DACH2: variants seen among roughly 807,000 people sequenced by gnomAD.
DACH2 encodes dachshund family transcription factor 2, also known as dachshund homolog 2.
Under a neutral mutation model 35.8 loss-of-function variants are expected in DACH2, and 17 were observed. The ratio of observed to expected loss-of-function variants is 0.48; its 90% CI spans 0.33 to 0.71. The LOEUF (loss-of-function observed/expected upper bound fraction) is 0.71. Among genes scored for constraint, DACH2 ranks in the 30% least tolerant of loss-of-function variants. The pLI, the probability that DACH2 is intolerant of heterozygous loss-of-function variation, is 0.02. For missense variants in DACH2, 469 were observed against 472.7 expected, an observed-to-expected ratio of 0.99 and a Z score of 0.07; for synonymous variants, 195 against 177.3, an observed-to-expected ratio of 1.10 and a Z score of -0.79.
intron 3 of DACH2, among the ~76,000 whole-genome samples, chrX:86,591,953 G>A (rs1445149517): frequency 9.0e-6 from 1 of 111,345 alleles, no homozygotes; most frequent in Non-Finnish European, 1.9e-5. Context: ...TTCGTTTCTG[G>A]CCTGTGGCTT....
rs761844006 is a variant in DACH2 at position 86,517,417 on chromosome X, CT to C, written c.640+3043del. Reference sequence around the variant, plus strand: ...AGTGTCTGCTCGTGTCCTTTGCCCACTTTTTTTTTTTTTTTTTGAGATGGAG... The same window carrying C: ...AGTGTCTGCTCGTGTCCTTTGCCCACTTTTTTTTTTTTTTTTGAGATGGAG... On this transcript the variant is annotated intron_variant, in intron 3 of 11. Transcript: ENST00000373125. Among the ~76,000 whole-genome samples, 403 of 95,663 alleles carry C rather than the reference CT, an allele frequency of 4.2e-3. 1 individual carries two copies. Among genetic ancestry groups the C allele is most frequent in the Middle Eastern group, 0.016 (3 of 193 alleles). 83.1% of individuals were successfully genotyped at this position (95,663 alleles called of 115,157 possible).
chrX:86,832,124 T>G lies in DACH2; in HGVS notation c.1769T>G (p.Leu590Ter). The G allele has an allele frequency of 8.3e-7, 1 of 1,197,632 alleles. No homozygotes were observed. The highest frequency in any genetic ancestry group is 1.7e-5 in the African/African-American group (1 of 57,376). ...TTTTAAGGAGGTAACTATTACTGTT[T>G]AGAAATGGCACAACAGTTGTATTCA... ...AAMQGGNYYC[L>*]EMAQQLYSA Residue 590 changes from leucine to a stop codon, truncating the protein, a stop_gained, in exon 12 of 12, where the codon TTA (leucine) becomes TGA (stop). Coordinates refer to ENST00000373125, the MANE Select transcript of DACH2 (RefSeq NM_053281.3). LOFTEE classifies it high-confidence loss of function.
At chrX:86,529,979 A>G (rs5923550) in intron 3 of DACH2, among the ~76,000 whole-genome samples, 957 of 65,780 alleles carry the variant, frequency 0.015, 5 homozygotes, top group South Asian at 0.032. Context: ...ACACACACGC[A>G]CACACACACA....
At chrX:86,672,942 G>T (rs1364100541) in intron 4 of DACH2, among the ~76,000 whole-genome samples, 1 of 111,837 alleles carries the variant, frequency 8.9e-6, no homozygotes, top group Non-Finnish European at 1.9e-5. Context: ...AGTAACCAAG[G>T]GGGCCATACC....
chrX:86,185,296 G>T (rs1346611015), intron 1 of DACH2, among the ~76,000 whole-genome samples: 1 of 111,726 alleles, frequency 9.0e-6, no homozygotes, highest in African/African-American at 3.3e-5. Flanking sequence ...CTATCTGTAG[G>T]CAAGGTTCTC....
In DACH2 at chrX:86,530,786, G is replaced by T. The variant is rs1302729224; in HGVS notation, c.640+16395G>T. ...GGAAGAGGCTGGAAGAATTTGGAGG[G>T]CTCAGAAGAAGACAGGAAGATGAGG... On this transcript the variant is annotated intron_variant, in intron 3 of 11. Transcript: ENST00000373125. Among the ~76,000 whole-genome samples the T allele has an allele frequency of 4.5e-5, 5 of 111,961 alleles. No individual in the cohort carries two copies. In the East Asian group the frequency reaches 1.4e-3, roughly 31 times the overall value.
chrX:86,200,635 CAAA>C (rs56012558), intron 1 of DACH2, among the ~76,000 whole-genome samples: 2 of 47,687 alleles, frequency 4.2e-5, no homozygotes, highest in Admixed American at 2.9e-4. Context: ...TGAACTTTTC[CAAA>C]AAAAAAAAAA....
At chrX:86,610,167 A>G (rs1054227740) in intron 3 of DACH2, among the ~76,000 whole-genome samples, 1 of 111,327 alleles carries the variant, frequency 9.0e-6, no homozygotes, top group East Asian at 2.9e-4. Context: ...ATACTGCAGC[A>G]GACCTTCCCA....
At chrX:86,279,615 C>T in intron 1 of DACH2, among the ~76,000 whole-genome samples, 1 of 110,879 alleles carries the variant, frequency 9.0e-6, no homozygotes, top group Non-Finnish European at 1.9e-5. Context: ...CTTTCTCCTA[C>T]AAAGGATCAC....
intron 4 of DACH2, among the ~76,000 whole-genome samples, chrX:86,667,614 A>C (rs186853870): frequency 0.043 from 4,041 of 94,977 alleles, 274 homozygotes; most frequent in African/African-American, 0.13. Flanking sequence ...GAAAGAAAGA[A>C]AGGCAGGCAG....
At chrX:86,373,932 T>C (rs187708862) in intron 1 of DACH2, among the ~76,000 whole-genome samples, 212 of 111,301 alleles carry the variant, frequency 1.9e-3, no homozygotes, top group African/African-American at 6.4e-3. Flanking sequence ...ATCTCTTTAG[T>C]TTACTTCACA....
At chrX:86,599,484 T>TTCTTTCTC (rs2039760638) in intron 3 of DACH2, among the ~76,000 whole-genome samples, 1 of 92,343 alleles carries the variant, frequency 1.1e-5, no homozygotes, top group Non-Finnish European at 2.1e-5. Flanking sequence ...CTTTCTTTCT[T>TTCTTTCTC]TCTTTCTTTC....
At chrX:86,621,663 T>C (rs1159696877) in intron 3 of DACH2, among the ~76,000 whole-genome samples, 18 of 112,041 alleles carry the variant, frequency 1.6e-4, no homozygotes, top group African/African-American at 5.8e-4. Context: ...CTCTCTTGCC[T>C]TTGCTTTCCT....
At chrX:86,295,465 G>A (rs1377559990) in intron 1 of DACH2, among the ~76,000 whole-genome samples, 1 of 111,586 alleles carries the variant, frequency 9.0e-6, no homozygotes, top group Non-Finnish European at 1.9e-5. Context: ...CACTCTCTCT[G>A]GGCCCAGTTT....
chrX:86,419,177 C>CA (rs1309589739), intron 2 of DACH2, among the ~76,000 whole-genome samples: 1 of 111,824 alleles, frequency 8.9e-6, no homozygotes, highest in African/African-American at 3.3e-5. Context: ...CTGAGCCCTC[C>CA]AAACTGTCCC....
chrX:86,461,947 A>G (rs2037581612), intron 2 of DACH2, among the ~76,000 whole-genome samples: 1 of 111,141 alleles, frequency 9.0e-6, no homozygotes. Flanking sequence ...TACCTGTGGA[A>G]AAAATATTAT....
chrX:86,515,925 T>C (rs757877169), intron 3 of DACH2, among the ~76,000 whole-genome samples: 3 of 111,869 alleles, frequency 2.7e-5, no homozygotes, highest in Non-Finnish European at 3.8e-5. Context: ...TCCAATAGAA[T>C]GGAGAAAAGG....
At chrX:86,530,447 T>C (rs188712199) in intron 3 of DACH2, among the ~76,000 whole-genome samples, 1 of 110,526 alleles carries the variant, frequency 9.0e-6, no homozygotes, top group East Asian at 2.9e-4. Context: ...ATAGAGTGAG[T>C]TTTCATGAGA....
At chrX:86,332,308 T>A (rs946167271) in intron 1 of DACH2, among the ~76,000 whole-genome samples, 48 of 111,709 alleles carry the variant, frequency 4.3e-4, no homozygotes, top group African/African-American at 1.5e-3. Context: ...TAAATACTAC[T>A]TTCCAGGATA....
Sources: allele counts gnomAD v4.1 joint callset (sites outside exome capture counted in the v4.1 genomes callset), GRCh38; gene constraint gnomAD v4.1.1; transcripts MANE v1.5; gene names NCBI Gene and HGNC (gene_info 2026-07-23, HGNC 2026-07-21).